The following PAFAH2 variants were observed in gnomAD, a reference collection of about 807,000 sequenced individuals.
PAFAH2 encodes platelet-activating factor acetylhydrolase 2, cytoplasmic.
In PAFAH2, 42 loss-of-function variants were observed where a neutral mutation model predicts 49.0. That is an observed-to-expected ratio of 0.86 (90% confidence interval 0.67 to 1.11). PAFAH2 has a LOEUF of 1.11. Among genes scored for constraint, PAFAH2 ranks in the 50% least tolerant of loss-of-function variants. The pLI is 0.00. For missense variants in PAFAH2, 503 were observed against 501.8 expected (o/e 1.00, Z -0.02); for synonymous variants, 184 against 181.3 (o/e 1.01, Z -0.12).
At chr1:25,967,217 G>A (rs2049440281) in intron 10 of PAFAH2, among the ~76,000 whole-genome samples, 1 of 152,072 alleles carries the variant, frequency 6.6e-6, no homozygotes, top group Non-Finnish European at 1.5e-5. Context: ...GATTGTTTGA[G>A]GGACTGGGTA....
At chr1:25,981,329 T>G (rs1210118302) in intron 7 of PAFAH2, among the ~76,000 whole-genome samples, 1 of 151,452 alleles carries the variant, frequency 6.6e-6, no homozygotes, top group African/African-American at 2.4e-5. Context: ...AATTTCTTGG[T>G]TCTCTGAATA....
intron 6 of PAFAH2, among the ~76,000 whole-genome samples, chr1:25,982,990 T>C (rs1469510): frequency 0.52 from 79,640 of 152,004 alleles, 24,618 homozygotes; most frequent in East Asian, 0.7. Context: ...CCAGGATTTT[T>C]CAAACTGCAG....
intron 1 of PAFAH2, among the ~76,000 whole-genome samples, chr1:25,991,116 C>T (rs866420644): frequency 3.9e-5 from 6 of 152,154 alleles, no homozygotes; most frequent in Non-Finnish European, 8.8e-5. Context: ...AGCCCATTAA[C>T]GTATGTTTAT....
chr1:25,981,811 A>T (rs1371475245), intron 7 of PAFAH2, among the ~76,000 whole-genome samples: 1 of 152,188 alleles, frequency 6.6e-6, no homozygotes, highest in South Asian at 2.1e-4. Context: ...ACTTGAGATC[A>T]GGAGTTCGAG....
At chr1:25,970,839 C>T (rs954517426) in intron 10 of PAFAH2, among the ~76,000 whole-genome samples, 22 of 152,152 alleles carry the variant, frequency 1.4e-4, no homozygotes, top group Admixed American at 3.9e-4. Context: ...CCTCCCATCT[C>T]AGCCTCCCAA....
chr1:25,987,050 G>C (rs980012502), intron 4 of PAFAH2, among the ~76,000 whole-genome samples: 1 of 150,042 alleles, frequency 6.7e-6, no homozygotes, highest in African/African-American at 2.5e-5. Context: ...TTAAGACCAG[G>C]CTGGCTAACA....
intron 1 of PAFAH2, among the ~76,000 whole-genome samples, chr1:25,991,574 G>A (rs1412706277): frequency 4.9e-5 from 7 of 143,918 alleles, no homozygotes; most frequent in East Asian, 2.4e-4. Flanking sequence ...GAGCCACCGC[G>A]CCTGGCCTGA....
chr1:25,970,442 C>T (rs1299600251), intron 10 of PAFAH2, among the ~76,000 whole-genome samples: 3 of 152,226 alleles, frequency 2.0e-5, no homozygotes, highest in Non-Finnish European at 2.9e-5. Flanking sequence ...CACACCACTG[C>T]ACTCCAGCCT....
chr1:25,991,969 C>G (rs1436422084), intron 1 of PAFAH2, among the ~76,000 whole-genome samples: 1 of 152,138 alleles, frequency 6.6e-6, no homozygotes, highest in African/African-American at 2.4e-5. Flanking sequence ...AATAACCTTC[C>G]CAAGTTACCC....
chr1:25,984,354 C>T, intron 5 of PAFAH2, 106 bp downstream of exon 5: 2 of 881,756 alleles, frequency 2.3e-6, no homozygotes, highest in Non-Finnish European at 3.6e-6. Flanking sequence ...TGGTATAATG[C>T]TGGCTTGCAC....
At chr1:25,976,632 G>T in intron 8 of PAFAH2, 50 bp downstream of exon 8, 2 of 1,303,542 alleles carry the variant, frequency 1.5e-6, no homozygotes, top group Non-Finnish European at 1.1e-6. Flanking sequence ...CTTTCTAAAT[G>T]AATAAACGGT....
chr1:25,989,322 G>A, intron 3 of PAFAH2, 126 bp downstream of exon 3: 1 of 805,904 alleles, frequency 1.2e-6, no homozygotes, highest in Non-Finnish European at 1.8e-6. Context: ...ATACCACACT[G>A]GCTAATGGAT....
At chr1:25,970,592 T>C (rs549187552) in intron 10 of PAFAH2, among the ~76,000 whole-genome samples, 12 of 152,286 alleles carry the variant, frequency 7.9e-5, no homozygotes, top group Admixed American at 2.6e-4. Context: ...TTTATCTATT[T>C]ATTTTATTTT....
Position 25,982,371 on chromosome 1 carries a change from G to T in PAFAH2, c.659C>A (p.Thr220Asn). 1 of 1,612,764 alleles carries T rather than the reference G, an allele frequency of 6.2e-7. No individual in the cohort carries two copies. The highest frequency in any genetic ancestry group is 8.5e-7 in the Non-Finnish European group (1 of 1,178,844). The change falls in exon 7 of 11, where the codon ACT becomes AAT. Residue 220 changes from threonine (T) to asparagine (N), a missense_variant. Transcript: ENST00000374282. ...TACCAATTGCTTCCATACCTTCAAA[G>T]TCATCAGATCCAAGCCACCAGGCAA... ...NILPGGLDLM[T>N]LKGNIDMSRV...
chr1:25,966,396 A>C lies in PAFAH2; in HGVS notation c.1085-4313T>G, dbSNP rs571603886. 2.0e-5 allele frequency among the ~76,000 whole-genome samples: 3 copies of C among 152,368 alleles called. No individual in the cohort carries two copies. In the East Asian group the frequency reaches 5.8e-4, roughly 29 times the overall value. On this transcript the variant is annotated intron_variant, in intron 10 of 10. Transcript: ENST00000374282. ...TGCCCATCAACAGAAGATCTGATAA[A>C]GAAAATGTGGTGTACAGATATACCA...
rs148837170 is a variant in PAFAH2 at position 25,990,812 on chromosome 1, C to T, written c.5G>A (p.Gly2Glu). 1,241 of 1,613,718 alleles carry T rather than the reference C, an allele frequency of 7.7e-4. No homozygotes were observed. Among genetic ancestry groups the T allele is most frequent in the Middle Eastern group, 1.2e-3 (7 of 6,058 alleles). Residue 2 changes from glycine to glutamate, a missense_variant, in exon 2 of 11, where the codon GGG becomes GAG. Gly to Glu is a moderately conservative substitution (Grantham distance 98). Coordinates refer to ENST00000374282, the MANE Select transcript of PAFAH2 (RefSeq NM_000437.4). ...TGGAAAGCCCACAGACTGGTTGACC[C>T]CCATTTCATCACCGGGTGAATCAAA... M[G>E]VNQSVGFPPV...
rs376372397 is a variant in PAFAH2, at chr1:25,989,480, C to A, written c.212G>T (p.Arg71Leu). ...GLAEYLQFNK[R>L]CGGLLFNLAV... ...CAGGTTGAACAGCAAGCCCCCGCAG[C>A]GCTTATTAAACTGCAGGTACTCGGC... Residue 71 changes from arginine to leucine, a missense_variant, in exon 3 of 11, where the codon CGC becomes CTC. Coordinates refer to ENST00000374282, the MANE Select transcript of PAFAH2 (RefSeq NM_000437.4). 27 of 1,609,216 alleles carry A rather than the reference C, an allele frequency of 1.7e-5. No homozygotes were observed. The highest frequency in any genetic ancestry group is 2.2e-5 in the Non-Finnish European group (26 of 1,177,532).
chr1:25,983,811 T>C (rs1254250536), intron 6 of PAFAH2, 135 bp downstream of exon 6: 1 of 962,336 alleles, frequency 1.0e-6, no homozygotes, highest in Non-Finnish European at 1.6e-6. Context: ...ATCCTATGTA[T>C]TTCCACTGAT....
At chr1:25,996,334 C>T (rs1369943899) in intron 1 of PAFAH2, among the ~76,000 whole-genome samples, 2 of 152,104 alleles carry the variant, frequency 1.3e-5, no homozygotes, top group Non-Finnish European at 2.9e-5. Flanking sequence ...CACTGCACTT[C>T]GGCCTGGGTG....
Sources: allele counts gnomAD v4.1 joint callset (sites outside exome capture counted in the v4.1 genomes callset), GRCh38; gene constraint gnomAD v4.1.1; transcripts MANE v1.5; gene names NCBI Gene and HGNC (gene_info 2026-07-23, HGNC 2026-07-21).